RIMS2: variants seen among roughly 807,000 people sequenced by gnomAD.
The protein encoded by RIMS2 is regulating synaptic membrane exocytosis 2.
RIMS2 carries 59 observed loss-of-function variants against 174.4 expected under a neutral mutation model. That is an observed-to-expected ratio of 0.34 (90% CI 0.27 to 0.42). The LOEUF is 0.42. RIMS2 is among the 10% of genes least tolerant of loss of function. The pLI, the probability that RIMS2 is intolerant of heterozygous loss-of-function variation, is 1.00. For missense variants in RIMS2, 1,620 were observed against 1,666.3 expected (o/e 0.97, Z 0.48); for synonymous variants, 606 against 572.5 (o/e 1.06, Z -0.84).
At chr8:103,986,188 T>C (rs1285951106) in intron 16 of RIMS2, among the ~76,000 whole-genome samples, 1 of 152,202 alleles carries the variant, frequency 6.6e-6, no homozygotes, top group Non-Finnish European at 1.5e-5. Context: ...ACATCATGTA[T>C]ACCATAAATA....
intron 2 of RIMS2, among the ~76,000 whole-genome samples, chr8:103,747,683 G>T (rs2097840119): frequency 6.6e-6 from 1 of 152,078 alleles, no homozygotes; most frequent in Non-Finnish European, 1.5e-5. Flanking sequence ...AATATATGTA[G>T]AATATGAGAG....
intron 1 of RIMS2, among the ~76,000 whole-genome samples, chr8:103,574,073 CTT>C (rs34229093): frequency 2.3e-4 from 34 of 146,454 alleles, no homozygotes; most frequent in Non-Finnish European, 3.5e-4. Flanking sequence ...GTAAGCAATA[CTT>C]TTTTTTTTTT....
At chr8:103,821,317 A>G (rs1045530371) in intron 3 of RIMS2, among the ~76,000 whole-genome samples, 3 of 151,722 alleles carry the variant, frequency 2.0e-5, no homozygotes, top group African/African-American at 7.2e-5. Context: ...ACATAAGATT[A>G]TGAAGTTTTT....
chr8:104,116,344 G>A (rs2098277708), intron 19 of RIMS2, among the ~76,000 whole-genome samples: 1 of 152,068 alleles, frequency 6.6e-6, no homozygotes, highest in South Asian at 2.1e-4. Context: ...TATTGTAATG[G>A]ATTTTAAGTC....
chr8:103,763,467 AAGGG>A (rs1330895872), intron 2 of RIMS2, among the ~76,000 whole-genome samples: 2 of 151,352 alleles, frequency 1.3e-5, no homozygotes, highest in African/African-American at 4.9e-5. Flanking sequence ...GGAAGAAAGG[AAGGG>A]AGGGAGGAAG....
intron 19 of RIMS2, among the ~76,000 whole-genome samples, chr8:104,206,573 A>G (rs1254211814): frequency 6.6e-6 from 1 of 152,212 alleles, no homozygotes; most frequent in Admixed American, 6.5e-5. Flanking sequence ...GGGGCTTCGT[A>G]TTCACTGTTA....
At chr8:103,742,801 G>C (rs1257204736) in intron 2 of RIMS2, among the ~76,000 whole-genome samples, 1 of 152,120 alleles carries the variant, frequency 6.6e-6, no homozygotes, top group African/African-American at 2.4e-5. Context: ...TCTCTCAGGG[G>C]CTCTCTGGAG....
At chr8:104,009,169 G>A (rs932369862) in intron 17 of RIMS2, among the ~76,000 whole-genome samples, 5 of 151,444 alleles carry the variant, frequency 3.3e-5, no homozygotes, top group African/African-American at 9.7e-5. Flanking sequence ...ATTCTAAAAT[G>A]TTTCATTTTT....
chr8:103,885,798 G>C lies in RIMS2; in HGVS notation c.1199G>C (p.Arg400Pro), dbSNP rs779028345. Reference sequence around the variant, plus strand: ...TCAAGGCAAAGATCTATATCAGAACGTAGAGCTGCCATGGAAAATCAGCGA... The same window carrying C: ...TCAAGGCAAAGATCTATATCAGAACCTAGAGCTGCCATGGAAAATCAGCGA... Residue 400 changes from arginine to proline, a missense_variant, in exon 4 of 24, where the codon CGT (arginine) becomes CCT (proline). This residue lies in a region of RIMS2 where 1,395 missense variants were observed against 1,360.1 expected (regional missense o/e 1.03). Transcript: ENST00000504942. The C allele has an allele frequency of 1.2e-6, 2 of 1,612,892 alleles. No individual in the cohort carries two copies. The highest frequency in any genetic ancestry group is 2.7e-5 in the African/African-American group (2 of 74,904).
chr8:103,526,476 A>G (rs1231459947), intron 1 of RIMS2, among the ~76,000 whole-genome samples: 1 of 152,224 alleles, frequency 6.6e-6, no homozygotes, highest in Non-Finnish European at 1.5e-5. Context: ...AAACTAAGAT[A>G]AACAATAGAC....
chr8:104,016,151 T>G (rs944094967), intron 19 of RIMS2, among the ~76,000 whole-genome samples: 2 of 152,052 alleles, frequency 1.3e-5, no homozygotes, highest in Non-Finnish European at 2.9e-5. Context: ...ACTTGTTGAC[T>G]GTTTACTTAT....
chr8:103,733,911 C>T (rs1322202702), intron 2 of RIMS2, among the ~76,000 whole-genome samples: 2 of 150,032 alleles, frequency 1.3e-5, no homozygotes, highest in Non-Finnish European at 3.0e-5. Context: ...TTTTTATGAT[C>T]GTGTTTTTTG....
chr8:103,912,988 T>C (rs2075990402), intron 6 of RIMS2, among the ~76,000 whole-genome samples: 1 of 148,600 alleles, frequency 6.7e-6, no homozygotes, highest in African/African-American at 2.5e-5. Context: ...TTTTTTTTTT[T>C]TTGAGATGGA....
At chr8:103,688,371 G>T (rs1003160768) in intron 1 of RIMS2, among the ~76,000 whole-genome samples, 1 of 151,982 alleles carries the variant, frequency 6.6e-6, no homozygotes, top group Non-Finnish European at 1.5e-5. Context: ...TGTGTACTTT[G>T]TTCTGTTAAC....
rs749206145 is a variant in RIMS2, at chr8:103,927,892, A to G, written c.2244+3A>G. 41 of 1,606,374 alleles carry G rather than the reference A, an allele frequency of 2.6e-5. No individual in the cohort carries two copies. The Admixed American group carries it at 6.9e-4, about 27-fold the overall frequency. ...CGCCTTTTGTTCCTAGGGTTCAGGT[A>G]AAGGCCTTGTCTGCCTGATAGAAAC... is the stretch of plus-strand genomic sequence containing the variant. On this transcript the variant is annotated splice_donor_region_variant and intron_variant, in intron 11 of 23. Coordinates refer to ENST00000504942, the Ensembl canonical transcript of RIMS2.
chr8:104,001,069 T>A (rs1270027835), intron 17 of RIMS2, among the ~76,000 whole-genome samples: 1 of 151,926 alleles, frequency 6.6e-6, no homozygotes, highest in Non-Finnish European at 1.5e-5. Flanking sequence ...TTCACCTTGA[T>A]AGAATCTCAT....
At chr8:103,968,130 G>C (rs2092364891) in intron 15 of RIMS2, among the ~76,000 whole-genome samples, 1 of 152,020 alleles carries the variant, frequency 6.6e-6, no homozygotes, top group Admixed American at 6.6e-5. Flanking sequence ...CAAAGTGCTG[G>C]GATTACAGGC....
chr8:103,901,071 A>G (rs1229308594), intron 4 of RIMS2, among the ~76,000 whole-genome samples: 1 of 152,030 alleles, frequency 6.6e-6, no homozygotes, highest in Non-Finnish European at 1.5e-5. Flanking sequence ...TGGCATACTC[A>G]CTATGTATTT....
At chr8:103,911,764 C>A (rs185620224) in intron 5 of RIMS2, among the ~76,000 whole-genome samples, 2 of 152,042 alleles carry the variant, frequency 1.3e-5, no homozygotes, top group East Asian at 3.9e-4. Context: ...TTCAAAATTT[C>A]TCAGATTTTG....
Sources: gnomAD v4.1 joint callset for allele counts (sites outside exome capture counted in the v4.1 genomes callset) on GRCh38, gnomAD v4.1.1 for gene constraint, gnomAD v4.1.1 regional missense constraint, MANE v1.5 for transcripts, NCBI Gene and HGNC (gene_info 2026-07-23, HGNC 2026-07-21) for gene names.